PTPRN2: variants seen among roughly 807,000 people sequenced by gnomAD.
The protein encoded by PTPRN2 is protein tyrosine phosphatase receptor type N2.
A neutral mutation model predicts 118.8 loss-of-function variants in PTPRN2; 74 were observed. The ratio of observed to expected loss-of-function variants is 0.62; its 90% CI spans 0.52 to 0.76. PTPRN2 has a LOEUF of 0.76. Among genes scored for constraint, PTPRN2 ranks in the 30% least tolerant of loss-of-function variants. The probability of loss-of-function intolerance (pLI) is 0.00; values close to 1 mark genes in which losing one functional copy is unlikely to be tolerated. For synonymous variants in PTPRN2, 641 were observed against 608.0 expected, an observed-to-expected ratio of 1.05 and a Z score of -0.80; for missense variants, 1,481 against 1,394.4, an observed-to-expected ratio of 1.06 and a Z score of -0.99.
intron 1 of PTPRN2, among the ~76,000 whole-genome samples, chr7:158,498,048 A>G (rs184392644): frequency 1.3e-4 from 20 of 152,374 alleles, no homozygotes; most frequent in African/African-American, 4.6e-4. Flanking sequence ...CCGCTCCATC[A>G]CAACGGTGAT....
intron 6 of PTPRN2, among the ~76,000 whole-genome samples, chr7:158,147,814 G>A (rs1283488812): frequency 4.5e-5 from 5 of 110,196 alleles, no homozygotes; most frequent in Non-Finnish European, 8.6e-5. Context: ...CACGCCACAC[G>A]TCTTTCCCCC....
rs557507825 is a variant in PTPRN2 at position 158,356,914 on chromosome 7, C to T, written c.164-39982G>A. Among the ~76,000 whole-genome samples the T allele has an allele frequency of 3.9e-5, 6 of 152,120 alleles. No individual in the cohort carries two copies. The South Asian group carries it at 6.2e-4, about 16-fold the overall frequency. ...AAGTAAAACCCATCACGATCATCATCGAAACTGTGGCTGGGAAGATCCTGG... is the reference window on the plus strand; with the variant it reads ...AAGTAAAACCCATCACGATCATCATTGAAACTGTGGCTGGGAAGATCCTGG... On this transcript the variant is annotated intron_variant, in intron 2 of 22. Coordinates refer to ENST00000389418, the MANE Select transcript of PTPRN2 (RefSeq NM_002847.5).
chr7:158,317,503 T>G (rs1802433322), intron 2 of PTPRN2, among the ~76,000 whole-genome samples: 1 of 152,234 alleles, frequency 6.6e-6, no homozygotes, highest in Non-Finnish European at 1.5e-5. Flanking sequence ...CTCGATTCCA[T>G]TTGTCTGAAA....
At position 157,991,635 on chromosome 7, in the gene PTPRN2, G is replaced by T. The variant is rs1804260595; in HGVS notation, c.1723+89663C>A. On this transcript the variant is annotated intron_variant, in intron 11 of 22. Transcript: ENST00000389418. ...TGGAGCTAGCACAGACTTGCAGCCT[G>T]CCTGGGACCCAGTGAGGATCTGTGG... Among the ~76,000 whole-genome samples the T allele has an allele frequency of 2.0e-5, 3 of 152,242 alleles. No individual in the cohort carries two copies. In the South Asian group the frequency reaches 6.2e-4, roughly 32 times the overall value.
chr7:158,295,814 G>A (rs1168099730), intron 3 of PTPRN2, among the ~76,000 whole-genome samples: 1 of 152,130 alleles, frequency 6.6e-6, no homozygotes, highest in East Asian at 1.9e-4. Flanking sequence ...CCAAGCCCAC[G>A]GCGCCCGCTG....
chr7:157,773,663 C>T (rs1435243859), intron 12 of PTPRN2, among the ~76,000 whole-genome samples: 2 of 152,262 alleles, frequency 1.3e-5, no homozygotes, highest in Non-Finnish European at 2.9e-5. Flanking sequence ...CAGTGCCTCC[C>T]TCTGTCTGTG....
Position 158,292,304 on chromosome 7 carries a change from T to C in PTPRN2, c.277+24515A>G, listed in dbSNP as rs534873431. ...CTATTCCAGGATGTTCAAAAGCAGA[T>C]GGAGCCCGCCTCCTGGTGAGGCTTT... On this transcript the variant is annotated intron_variant, in intron 3 of 22. Transcript: ENST00000389418. Among the ~76,000 whole-genome samples, 5 of 152,360 alleles carry C rather than the reference T, an allele frequency of 3.3e-5. No homozygotes were observed. The East Asian group carries it at 7.7e-4, about 23-fold the overall frequency.
intron 11 of PTPRN2, among the ~76,000 whole-genome samples, chr7:158,037,902 A>G (rs572660922): frequency 2.7e-4 from 41 of 152,358 alleles, no homozygotes; most frequent in African/African-American, 9.4e-4. Flanking sequence ...ACTCTGTACC[A>G]CAGCAGGTGA....
At chr7:158,131,624 G>A (rs961610103) in intron 9 of PTPRN2, among the ~76,000 whole-genome samples, 6 of 131,358 alleles carry the variant, frequency 4.6e-5, no homozygotes, top group African/African-American at 1.2e-4. Flanking sequence ...ACATCTACCC[G>A]ACATACACAC....
At chr7:158,296,319 G>A (rs1800495910) in intron 3 of PTPRN2, among the ~76,000 whole-genome samples, 1 of 152,132 alleles carries the variant, frequency 6.6e-6, no homozygotes, top group Non-Finnish European at 1.5e-5. Context: ...AGTTGGAGGA[G>A]AGCCTGGCTG....
At chr7:158,290,844 C>G (rs1223091343) in intron 3 of PTPRN2, among the ~76,000 whole-genome samples, 1 of 152,176 alleles carries the variant, frequency 6.6e-6, no homozygotes, top group East Asian at 1.9e-4. Flanking sequence ...GATAGATGTT[C>G]AAATTGTTGT....
intron 5 of PTPRN2, among the ~76,000 whole-genome samples, chr7:158,167,683 C>A (rs906750917): frequency 5.9e-5 from 9 of 152,236 alleles, no homozygotes; most frequent in Non-Finnish European, 1.3e-4. Flanking sequence ...CCCACCCTGA[C>A]ACTGCTCATT....
At chr7:157,723,549 C>T (rs975417207) in intron 12 of PTPRN2, among the ~76,000 whole-genome samples, 1 of 152,244 alleles carries the variant, frequency 6.6e-6, no homozygotes, top group Non-Finnish European at 1.5e-5. Context: ...CCTTTCTCTA[C>T]CACAGCCCAG....
chr7:158,235,553 G>A (rs1485205569), intron 3 of PTPRN2, among the ~76,000 whole-genome samples: 1 of 152,186 alleles, frequency 6.6e-6, no homozygotes, highest in Non-Finnish European at 1.5e-5. Context: ...GATCTCATGA[G>A]GGTGCCTCCG....
At chr7:157,892,849 T>C (rs1017957884) in intron 12 of PTPRN2, among the ~76,000 whole-genome samples, 4 of 152,138 alleles carry the variant, frequency 2.6e-5, no homozygotes, top group African/African-American at 4.8e-5. Flanking sequence ...ATCACAGAGC[T>C]CCCATTCCAG....
At chr7:157,911,501 T>C (rs561537872) in intron 11 of PTPRN2, among the ~76,000 whole-genome samples, 2 of 152,332 alleles carry the variant, frequency 1.3e-5, no homozygotes, top group South Asian at 4.1e-4. Flanking sequence ...GACTTTCTCT[T>C]GAAAGTTAGA....
intron 1 of PTPRN2, among the ~76,000 whole-genome samples, chr7:158,549,122 A>C (rs1022609997): frequency 6.6e-6 from 1 of 152,234 alleles, no homozygotes; most frequent in Non-Finnish European, 1.5e-5. Flanking sequence ...CACAAGCGGG[A>C]AAGAATGGGG....
intron 2 of PTPRN2, among the ~76,000 whole-genome samples, chr7:158,319,429 C>T (rs1417386123): frequency 1.6e-5 from 2 of 126,710 alleles, no homozygotes; most frequent in Non-Finnish European, 3.3e-5. Flanking sequence ...CACACACACA[C>T]ACACACAGCC....
At chr7:157,941,243 T>C (rs866779210) in intron 11 of PTPRN2, among the ~76,000 whole-genome samples, 29 of 57,636 alleles carry the variant, frequency 5.0e-4, no homozygotes, top group African/African-American at 8.0e-4. Context: ...CTCCCCACCA[T>C]GACACTGCAA....
Sources: allele counts gnomAD v4.1 joint callset (sites outside exome capture counted in the v4.1 genomes callset), GRCh38; gene constraint gnomAD v4.1.1; transcripts MANE v1.5; gene names NCBI Gene and HGNC (gene_info 2026-07-23, HGNC 2026-07-21).